The following GLIS3 variants were observed in gnomAD, a reference collection of about 807,000 sequenced individuals.
The protein encoded by GLIS3 is zinc finger protein GLIS3.
Under a neutral mutation model 78.6 loss-of-function variants are expected in GLIS3, and 53 were observed. The observed-to-expected ratio is 0.67, with a 90% CI of 0.54 to 0.85. The LOEUF is 0.85. GLIS3 is among the 40% of genes least tolerant of loss of function. The probability of loss-of-function intolerance (pLI) is 0.00; values close to 1 mark genes in which losing one functional copy is unlikely to be tolerated. For missense variants in GLIS3, 1,703 were observed against 1,231.1 expected (o/e 1.38, Z -5.74); for synonymous variants, 684 against 509.9 (o/e 1.34, Z -4.60).
the GLIS3 span, among the ~76,000 whole-genome samples, chr9:4,381,581 G>A: frequency 6.6e-6 from 1 of 152,150 alleles, no homozygotes; most frequent in Non-Finnish European, 1.5e-5. Flanking sequence ...GCACATTTTG[G>A]TACTAATATC....
At chr9:3,956,028 C>CCAAAAAAAAAAAAAAAA (rs1491307787) in intron 4 of GLIS3, among the ~76,000 whole-genome samples, 3 of 87,626 alleles carry the variant, frequency 3.4e-5, no homozygotes, top group Non-Finnish European at 6.9e-5. Context: ...CCAGATTCAG[C>CCAAAAAAAAAAAAAAAA]AAAAAAAAAA....
At chr9:4,193,922 G>A (rs374245989) in intron 2 of GLIS3, among the ~76,000 whole-genome samples, 1 of 152,194 alleles carries the variant, frequency 6.6e-6, no homozygotes, top group East Asian at 1.9e-4. Flanking sequence ...CCAATCATGT[G>A]GTAAGCGTGC....
chr9:4,468,400 C>G, the GLIS3 span, among the ~76,000 whole-genome samples: 2 of 152,052 alleles, frequency 1.3e-5, no homozygotes, highest in East Asian at 1.9e-4. Flanking sequence ...GTTGGGTTAC[C>G]CAAAAAGGGA....
At chr9:4,040,871 A>G (rs1005379328) in intron 4 of GLIS3, among the ~76,000 whole-genome samples, 21 of 152,326 alleles carry the variant, frequency 1.4e-4, no homozygotes, top group Admixed American at 5.9e-4. Flanking sequence ...TGGTTCTCAA[A>G]GGTGGTCTCC....
At chr9:4,327,312 C>G (rs996272467) in intron 2 of GLIS3, among the ~76,000 whole-genome samples, 1 of 152,028 alleles carries the variant, frequency 6.6e-6, no homozygotes, top group Non-Finnish European at 1.5e-5. Context: ...ATGTTGTATT[C>G]AGAGCAAAGA....
At chr9:4,460,771 G>A in the GLIS3 span, among the ~76,000 whole-genome samples, 1 of 152,098 alleles carries the variant, frequency 6.6e-6, no homozygotes, top group Non-Finnish European at 1.5e-5. Context: ...GCATGCTGTG[G>A]GGATTTGTCC....
At chr9:4,099,351 TGCTG>T (rs1303610006) in intron 4 of GLIS3, among the ~76,000 whole-genome samples, 1 of 152,238 alleles carries the variant, frequency 6.6e-6, no homozygotes, top group Non-Finnish European at 1.5e-5. Context: ...TCTGGTGGTT[TGCTG>T]GCAATCTTTG....
rs182783295 is a variant in GLIS3, at chr9:4,126,857, C to T, written c.389-916G>A. Among the ~76,000 whole-genome samples the T allele has an allele frequency of 1.2e-4, 18 of 152,282 alleles. No homozygotes were observed. The East Asian group carries it at 2.1e-3, about 18-fold the overall frequency. ...CATTTCTAGCAAACAAAAATATATACGATCTCAATCTTTAACAAATTAAGC... is the reference window on the plus strand; with the variant it reads ...CATTTCTAGCAAACAAAAATATATATGATCTCAATCTTTAACAAATTAAGC... On this transcript the variant is annotated intron_variant, in intron 2 of 10. Coordinates refer to ENST00000381971, the MANE Select transcript of GLIS3 (RefSeq NM_001042413.2).
At chr9:4,483,487 A>C in the GLIS3 span, among the ~76,000 whole-genome samples, 1 of 152,104 alleles carries the variant, frequency 6.6e-6, no homozygotes, top group Admixed American at 6.6e-5. Context: ...TGGGAGGCCA[A>C]GGTGGGCAGA....
At chr9:4,421,438 TG>T in the GLIS3 span, among the ~76,000 whole-genome samples, 1 of 152,262 alleles carries the variant, frequency 6.6e-6, no homozygotes, top group African/African-American at 2.4e-5. Context: ...GCTGGTCTGA[TG>T]GAAGTCCCAA....
At chr9:4,315,804 G>A (rs868014290) in intron 2 of GLIS3, among the ~76,000 whole-genome samples, 8 of 152,158 alleles carry the variant, frequency 5.3e-5, no homozygotes, top group South Asian at 4.2e-4. Context: ...GGTGGCGCCC[G>A]TTCCCCAGCA....
intron 2 of GLIS3, among the ~76,000 whole-genome samples, chr9:4,326,882 A>G (rs10814938): frequency 0.28 from 42,175 of 151,936 alleles, 7,231 homozygotes; most frequent in African/African-American, 0.49. Flanking sequence ...CTGTGGGTGC[A>G]TGTCCTCTCA....
intron 4 of GLIS3, among the ~76,000 whole-genome samples, chr9:3,944,062 C>G (rs7028031): frequency 6.6e-6 from 1 of 151,876 alleles, no homozygotes; most frequent in Non-Finnish European, 1.5e-5. Context: ...AGTACATACA[C>G]GTTTCTTATT....
chr9:3,859,664 C>A (rs1483489998), intron 8 of GLIS3, among the ~76,000 whole-genome samples: 1 of 152,160 alleles, frequency 6.6e-6, no homozygotes, highest in African/African-American at 2.4e-5. Flanking sequence ...GACATCTTTT[C>A]TAGGTCCAAC....
chr9:4,366,180 C>T, the GLIS3 span, among the ~76,000 whole-genome samples: 6 of 152,176 alleles, frequency 3.9e-5, no homozygotes, highest in African/African-American at 7.2e-5. Flanking sequence ...TTAATTTGGT[C>T]TATCCTATCC....
chr9:4,002,743 G>A (rs372872807), intron 4 of GLIS3, among the ~76,000 whole-genome samples: 6 of 152,310 alleles, frequency 3.9e-5, no homozygotes, highest in East Asian at 1.9e-4. Context: ...GAAACATGAG[G>A]CATACATGGA....
intron 4 of GLIS3, among the ~76,000 whole-genome samples, chr9:4,013,594 G>C (rs1334532509): frequency 6.6e-6 from 1 of 152,092 alleles, no homozygotes; most frequent in Non-Finnish European, 1.5e-5. Flanking sequence ...TGTTCATTTG[G>C]CTTCTCTATC....
At position 3,827,291 on chromosome 9, in the gene GLIS3, C is replaced by T. The variant is rs543550247; in HGVS notation, c.*981G>A. ...TTCCAAGGGAAGCTGGCACATGACTCAGTCTGTCCCAGTTCTCACATCTGG... is the reference window on the plus strand; with the variant it reads ...TTCCAAGGGAAGCTGGCACATGACTTAGTCTGTCCCAGTTCTCACATCTGG... On this transcript the variant is annotated 3_prime_UTR_variant, in exon 11 of 11. Transcript: ENST00000381971. 6.6e-6 allele frequency: 1 copy of T among 152,374 alleles called. No homozygotes were observed. The highest frequency in any genetic ancestry group is 2.1e-4 in the South Asian group (1 of 4,824). 9.4% of individuals were successfully genotyped at this position (152,374 alleles called of 1,614,324 possible).
chr9:4,286,539 A>G lies in GLIS3; in HGVS notation c.-98-16T>C. ...GGTTATAAGCCTGTTTAAAAAAATA[A>G]ACGCAGGCATTTTTAAAAGCAAAAA... On this transcript the variant is annotated splice_polypyrimidine_tract_variant and intron_variant, in intron 1 of 10. Transcript: ENST00000381971. 1 of 1,275,716 alleles carries G rather than the reference A, an allele frequency of 7.8e-7. No individual in the cohort carries two copies. Among genetic ancestry groups the G allele is most frequent in the Non-Finnish European group, 1.1e-6 (1 of 901,538 alleles). 79.0% of individuals were successfully genotyped at this position (1,275,716 alleles called of 1,614,324 possible).
Sources: allele counts gnomAD v4.1 joint callset (sites outside exome capture counted in the v4.1 genomes callset), GRCh38; gene constraint gnomAD v4.1.1; transcripts MANE v1.5; gene names NCBI Gene and HGNC (gene_info 2026-07-23, HGNC 2026-07-21).